The following MOB3A variants were observed in gnomAD, a reference collection of about 807,000 sequenced individuals.
MOB3A encodes the protein MOB kinase activator 3A.
MOB3A carries 17 observed loss-of-function variants against 17.8 expected under a neutral mutation model. That is an observed-to-expected ratio of 0.95 (90% CI 0.65 to 1.43). The LOEUF (loss-of-function observed/expected upper bound fraction) is 1.43. Among genes scored for constraint, MOB3A ranks in the 40% most tolerant of loss-of-function variants. MOB3A has a pLI of 0.00. For missense variants in MOB3A, 333 were observed against 310.8 expected, an observed-to-expected ratio of 1.07 and a Z score of -0.54; for synonymous variants, 124 against 133.2, an observed-to-expected ratio of 0.93 and a Z score of 0.48.
At position 2,078,563 on chromosome 19, in the gene MOB3A, T is replaced by C; in HGVS notation, c.-3A>G. The C allele has an allele frequency of 6.4e-7, 1 of 1,559,062 alleles. No homozygotes were observed. The highest frequency in any genetic ancestry group is 8.7e-7 in the Non-Finnish European group (1 of 1,148,498). On this transcript the variant is annotated 5_prime_UTR_variant, in exon 3 of 5. Coordinates refer to ENST00000357066, the MANE Select transcript of MOB3A (RefSeq NM_130807.3). The stretch of plus-strand genomic sequence containing the variant: ...TGCTTCAGGAAGGGGTTGGACATCT[T>C]GGTGACGCCTGCTCTCCTGGACTTC...
At position 2,071,050 on chromosome 19, in the gene MOB3A, T is replaced by A. The variant is rs1329773251; in HGVS notation, c.*2345A>T. ...GACACCATTTATTCCGACGTCTGCG[T>A]CTGTAGTTTTATTCCGTATCTGGCT... On this transcript the variant is annotated 3_prime_UTR_variant, in exon 5 of 5. Coordinates refer to ENST00000357066, the MANE Select transcript of MOB3A (RefSeq NM_130807.3). 6.6e-6 allele frequency: 1 copy of A among 152,120 alleles called. No homozygotes were observed. The highest frequency in any genetic ancestry group is 6.5e-5 in the Admixed American group (1 of 15,280). 9.4% of individuals were successfully genotyped at this position (152,120 alleles called of 1,614,324 possible). A position where few individuals can be genotyped will look rare whatever the true frequency, so the allele number is the denominator to read the frequency against.
At position 2,093,343 on chromosome 19, in the gene MOB3A, G is replaced by A. The variant is rs887378394; in HGVS notation, c.-274+2883C>T. Among the ~76,000 whole-genome samples the A allele has an allele frequency of 6.6e-6, 1 of 151,912 alleles. No homozygotes were observed. Among genetic ancestry groups the A allele is most frequent in the Non-Finnish European group, 1.5e-5 (1 of 67,980 alleles). On this transcript the variant is annotated intron_variant, in intron 1 of 4. Coordinates refer to ENST00000357066, the MANE Select transcript of MOB3A (RefSeq NM_130807.3). The surrounding 1 kb of genome is among the most constrained non-coding windows in gnomAD (Gnocchi z 4.6). Reference sequence around the variant, plus strand: ...CGGGTAAATTTTGTATTCCTCAGCCGATGAGCTCTGTTCCTGTCTTCCTGG... The same window carrying A: ...CGGGTAAATTTTGTATTCCTCAGCCAATGAGCTCTGTTCCTGTCTTCCTGG...
Position 2,073,210 on chromosome 19 carries a change from A to G in MOB3A, c.*185T>C. On this transcript the variant is annotated 3_prime_UTR_variant, in exon 5 of 5. Transcript: ENST00000357066. Reference sequence around the variant, plus strand: ...CCCAGACGGGAGACTGAGGCTCGAGACTGAGGAAGGCATCTGCCGTCCGGG... The same window carrying G: ...CCCAGACGGGAGACTGAGGCTCGAGGCTGAGGAAGGCATCTGCCGTCCGGG... 1.5e-6 allele frequency: 1 copy of G among 683,054 alleles called. No individual in the cohort carries two copies. The highest frequency in any genetic ancestry group is 2.6e-6 in the Non-Finnish European group (1 of 387,338). 42.3% of individuals were successfully genotyped at this position (683,054 alleles called of 1,614,324 possible). A position where few individuals can be genotyped will look rare whatever the true frequency, so the allele number is the denominator to read the frequency against.
At position 2,089,880 on chromosome 19, in the gene MOB3A, C is replaced by T. The variant is rs1177658430; in HGVS notation, c.-273-4552G>A. On this transcript the variant is annotated intron_variant, in intron 1 of 4. Transcript: ENST00000357066. ...GCAGGTGCTGAGCAATGTCCCTGGC[C>T]TCCACCCACTCCATGCCAGGGGCAG... 3.3e-5 allele frequency among the ~76,000 whole-genome samples: 5 copies of T among 152,106 alleles called. No homozygotes were observed. In the East Asian group the frequency reaches 9.7e-4, roughly 29 times the overall value.
At chr19:2,073,510 C>A in intron 4 of MOB3A, 86 bp from the exon 5 acceptor site, 4 of 1,575,764 alleles carry the variant, frequency 2.5e-6, no homozygotes, top group Non-Finnish European at 2.6e-6. Flanking sequence ...GACGCACAGG[C>A]AGAGAAACGG....
chr19:2,090,506 C>G (rs1447397087), intron 1 of MOB3A, among the ~76,000 whole-genome samples: 2 of 152,090 alleles, frequency 1.3e-5, no homozygotes, highest in African/African-American at 2.4e-5. Context: ...GAACGCTACT[C>G]AGCACCCTGC....
chr19:2,076,111 A>T (rs1008453748), intron 4 of MOB3A, among the ~76,000 whole-genome samples: 1 of 135,080 alleles, frequency 7.4e-6, no homozygotes, highest in South Asian at 2.6e-4. Flanking sequence ...TGAGGGAGGC[A>T]GACTCCATCT....
chr19:2,094,137 C>G (rs1402394554), intron 1 of MOB3A, among the ~76,000 whole-genome samples: 1 of 150,858 alleles, frequency 6.6e-6, no homozygotes, highest in Non-Finnish European at 1.5e-5. Flanking sequence ...GGCTTCGCCT[C>G]CAGGGTTCAT....
chr19:2,093,917 T>C lies in MOB3A; in HGVS notation c.-274+2309A>G, dbSNP rs1248720509. 2.0e-5 allele frequency among the ~76,000 whole-genome samples: 3 copies of C among 152,018 alleles called. No individual in the cohort carries two copies. The highest frequency in any genetic ancestry group is 7.3e-5 in the African/African-American group (3 of 41,354). On this transcript the variant is annotated intron_variant, in intron 1 of 4. Transcript: ENST00000357066. The surrounding 1 kb of genome is among the most constrained non-coding windows in gnomAD (Gnocchi z 4.6). ...GTAATCGGTAGATCTCAGTGAGTTCTAATAAACAGGTCCCTGACAACTGCG... is the reference window on the plus strand; with the variant it reads ...GTAATCGGTAGATCTCAGTGAGTTCCAATAAACAGGTCCCTGACAACTGCG...
rs1056827033 is a variant in MOB3A at position 2,073,269 on chromosome 19, G to A, written c.*126C>T. On this transcript the variant is annotated 3_prime_UTR_variant, in exon 5 of 5. Coordinates refer to ENST00000357066, the MANE Select transcript of MOB3A (RefSeq NM_130807.3). ...TCCTGAGGACCAACACCTGCTCAGC[G>A]GCTCGGCCCCTGGTCTCCCTGAGAT... 2.9e-5 allele frequency: 36 copies of A among 1,228,842 alleles called. No individual in the cohort carries two copies. The East Asian group carries it at 5.8e-4, about 20-fold the overall frequency. The allele number at this position is 1,228,842 out of a possible 1,614,324, so 76.1% of individuals were successfully genotyped here. A position where few individuals can be genotyped will look rare whatever the true frequency, so the allele number is the denominator to read the frequency against.
intron 1 of MOB3A, among the ~76,000 whole-genome samples, chr19:2,092,797 C>T (rs1016494321): frequency 2.0e-5 from 3 of 149,300 alleles, no homozygotes; most frequent in African/African-American, 7.4e-5. Context: ...AGAGGCCAGG[C>T]ATGGTCCCCA....
intron 1 of MOB3A, among the ~76,000 whole-genome samples, chr19:2,087,866 C>T (rs1180416496): frequency 6.6e-6 from 1 of 152,216 alleles, no homozygotes; most frequent in East Asian, 1.9e-4. Flanking sequence ...TAACCCAGGG[C>T]CGCAGGATCT....
rs1049388607 is a variant in MOB3A, at chr19:2,090,846, T to C, written c.-274+5380A>G. Among the ~76,000 whole-genome samples, 12 of 152,090 alleles carry C rather than the reference T, an allele frequency of 7.9e-5. 1 individual carries two copies. Among genetic ancestry groups the C allele is most frequent in the Non-Finnish European group, 1.6e-4 (11 of 68,006 alleles). On this transcript the variant is annotated intron_variant, in intron 1 of 4. Transcript: ENST00000357066. ...GCTCAGCTAATTTTTGAATTTTTAG[T>C]AGAGACGGGGTTTCACCGTGTTAGT...
intron 4 of MOB3A, 71 bp downstream of exon 4, chr19:2,076,740 C>A: frequency 2.0e-6 from 3 of 1,518,214 alleles, no homozygotes; most frequent in South Asian, 2.3e-5. Flanking sequence ...GTCCTGGCCC[C>A]GGAAGGGTTC....
intron 4 of MOB3A, 72 bp from the exon 5 acceptor site, chr19:2,073,496 C>G (rs185503935): frequency 7.5e-6 from 12 of 1,599,582 alleles, no homozygotes; most frequent in Middle Eastern, 1.7e-4. Context: ...AGCAGACACA[C>G]GGAGACGCAC....
intron 4 of MOB3A, among the ~76,000 whole-genome samples, chr19:2,074,390 A>ATTT (rs2017377639): frequency 1.3e-5 from 2 of 152,038 alleles, no homozygotes; most frequent in Non-Finnish European, 2.9e-5. Flanking sequence ...AAAAAAGAAA[A>ATTT]AGAAAAAAGA....
At position 2,073,300 on chromosome 19, in the gene MOB3A, G is replaced by C. The variant is rs2017361684; in HGVS notation, c.*95C>G. On this transcript the variant is annotated 3_prime_UTR_variant, in exon 5 of 5. Coordinates refer to ENST00000357066, the MANE Select transcript of MOB3A (RefSeq NM_130807.3). ...GCCCCTGGTCTCCCTGAGATGCTCA[G>C]GCCGGAGAGAAGCGGGATGATGGTT... The C allele has an allele frequency of 2.6e-6, 4 of 1,523,438 alleles. No individual in the cohort carries two copies. The Admixed American group carries it at 6.7e-5, about 26-fold the overall frequency. 94.4% of individuals were successfully genotyped at this position (1,523,438 alleles called of 1,614,324 possible).
At chr19:2,085,828 G>A (rs915124323) in intron 1 of MOB3A, among the ~76,000 whole-genome samples, 5 of 151,376 alleles carry the variant, frequency 3.3e-5, no homozygotes, top group African/African-American at 1.2e-4. Flanking sequence ...GCCGGGCGTA[G>A]TGGTGGGCAC....
intron 1 of MOB3A, among the ~76,000 whole-genome samples, chr19:2,094,170 C>A (rs144683385): frequency 3.3e-5 from 5 of 151,884 alleles, no homozygotes; most frequent in Non-Finnish European, 5.9e-5. Context: ...CCTCAGCCTC[C>A]CGAGTAGCTG....
Sources: gnomAD v4.1 joint callset for allele counts (sites outside exome capture counted in the v4.1 genomes callset) on GRCh38, gnomAD v4.1.1 for gene constraint, Gnocchi (gnomAD v3.1) non-coding constraint, MANE v1.5 for transcripts, NCBI Gene and HGNC (gene_info 2026-07-23, HGNC 2026-07-21) for gene names.